GRAMD1B: variants seen among roughly 807,000 people sequenced by gnomAD.
The protein encoded by GRAMD1B is protein Aster-B.
In GRAMD1B, 37 loss-of-function variants were observed where a neutral mutation model predicts 99.7. That is an observed-to-expected ratio of 0.37 (90% CI 0.29 to 0.49). The LOEUF (loss-of-function observed/expected upper bound fraction) is 0.49, where lower values mean the gene tolerates loss of function less well. Among genes scored for constraint, GRAMD1B ranks in the 20% least tolerant of loss-of-function variants. GRAMD1B has a pLI of 0.98. For synonymous variants in GRAMD1B, 427 were observed against 387.6 expected (o/e 1.10, Z -1.19); for missense variants, 888 against 1,009.2 (o/e 0.88, Z 1.63).
chr11:123,400,442 A>T (rs1455053178), intron 1 of GRAMD1B, among the ~76,000 whole-genome samples: 1 of 152,218 alleles, frequency 6.6e-6, no homozygotes, highest in Non-Finnish European at 1.5e-5. Context: ...GTGCCATTGC[A>T]ATTCCCCTTG....
intron 15 of GRAMD1B, 37 bp from the exon 16 acceptor site, chr11:123,613,418 A>G: frequency 6.9e-7 from 1 of 1,448,634 alleles, no homozygotes; most frequent in African/African-American, 1.4e-5. Flanking sequence ...TGGAGGGCTG[A>G]AGGTGGCCTC....
At chr11:123,528,510 TCC>T (rs1259922149) in intron 2 of GRAMD1B, among the ~76,000 whole-genome samples, 2 of 152,078 alleles carry the variant, frequency 1.3e-5, no homozygotes, top group African/African-American at 2.4e-5. Context: ...CCCCATTTTA[TCC>T]CCATTTTATG....
intron 1 of GRAMD1B, among the ~76,000 whole-genome samples, chr11:123,407,884 T>C (rs1947908962): frequency 6.6e-6 from 1 of 152,186 alleles, no homozygotes; most frequent in Admixed American, 6.5e-5. Context: ...AGTCTAGGCT[T>C]TTCCATAGAC....
At chr11:123,515,459 G>C (rs1426808889) in intron 2 of GRAMD1B, among the ~76,000 whole-genome samples, 2 of 152,196 alleles carry the variant, frequency 1.3e-5, no homozygotes, top group East Asian at 3.9e-4. Context: ...CTTCAGATTT[G>C]ACTATGTATC....
chr11:123,468,691 G>A (rs530008097), intron 1 of GRAMD1B, among the ~76,000 whole-genome samples: 1 of 151,756 alleles, frequency 6.6e-6, no homozygotes, highest in East Asian at 2.0e-4. Context: ...CAGCTACTCA[G>A]GAGGCCGAGG....
At chr11:123,619,356 C>A in intron 19 of GRAMD1B, 132 bp downstream of exon 19, 1 of 1,522,890 alleles carries the variant, frequency 6.6e-7, no homozygotes. Context: ...TTCCTCCAGG[C>A]CATGCATTGT....
chr11:123,514,906 T>G (rs1012145458), intron 2 of GRAMD1B, among the ~76,000 whole-genome samples: 10 of 152,226 alleles, frequency 6.6e-5, no homozygotes, highest in African/African-American at 2.4e-4. Flanking sequence ...TGTGTTTTGT[T>G]TCTTAATTCA....
At chr11:123,535,315 A>G (rs1311586413) in intron 2 of GRAMD1B, among the ~76,000 whole-genome samples, 1 of 150,894 alleles carries the variant, frequency 6.6e-6, no homozygotes, top group African/African-American at 2.4e-5. Flanking sequence ...CCCATTTTAT[A>G]TGTTAGGAAA....
intron 2 of GRAMD1B, among the ~76,000 whole-genome samples, chr11:123,553,463 G>T (rs780534903): frequency 1.3e-5 from 2 of 152,158 alleles, no homozygotes. Flanking sequence ...TTACTTAAAG[G>T]GTGGCTACCT....
At chr11:123,543,820 T>C (rs1281844751) in intron 2 of GRAMD1B, among the ~76,000 whole-genome samples, 1 of 152,248 alleles carries the variant, frequency 6.6e-6, no homozygotes, top group Non-Finnish European at 1.5e-5. Flanking sequence ...GTTTTTGTAA[T>C]TTGTTCTAGG....
intron 2 of GRAMD1B, among the ~76,000 whole-genome samples, chr11:123,497,411 C>A (rs1301615839): frequency 6.6e-6 from 1 of 152,216 alleles, no homozygotes; most frequent in Non-Finnish European, 1.5e-5. Context: ...CTGCTGTAAC[C>A]ATGACCTGGC....
chr11:123,537,863 T>C (rs1409686019), intron 2 of GRAMD1B, among the ~76,000 whole-genome samples: 1 of 152,192 alleles, frequency 6.6e-6, no homozygotes, highest in Non-Finnish European at 1.5e-5. Context: ...CTGAAGAGTA[T>C]TGTGTGTGCA....
rs1235608383 is a variant in GRAMD1B, at chr11:123,627,510, G to A, written c.*4915G>A. On this transcript the variant is annotated 3_prime_UTR_variant, in exon 20 of 20. Coordinates refer to ENST00000635736, the MANE Select transcript of GRAMD1B (RefSeq NM_001387025.1). ...GGATAATCCTGACGTGGGGTGGAGT[G>A]GGGTGAGGCAGAGGGAGCAGCCCCA... The A allele has an allele frequency of 6.6e-6, 1 of 152,346 alleles. No homozygotes were observed. Among genetic ancestry groups the A allele is most frequent in the Non-Finnish European group, 1.5e-5 (1 of 68,134 alleles). The allele number at this position is 152,346 out of a possible 1,614,324, so 9.4% of individuals were successfully genotyped here.
At chr11:123,470,331 C>G (rs1313689979) in intron 1 of GRAMD1B, among the ~76,000 whole-genome samples, 1 of 152,232 alleles carries the variant, frequency 6.6e-6, no homozygotes, top group Non-Finnish European at 1.5e-5. Flanking sequence ...ACAAAACTGC[C>G]GAGAGCAGCT....
Position 123,430,989 on chromosome 11 carries a change from C to A in GRAMD1B, c.197C>A (p.Ala66Asp), listed in dbSNP as rs1466372533. The change falls in exon 1 of 20, where the codon GCC (alanine) becomes GAC (aspartate). Residue 66 changes from alanine (A) to aspartate (D), a missense_variant. Coordinates refer to ENST00000635736, the MANE Select transcript of GRAMD1B (RefSeq NM_001387025.1). ...LEAGLARDLPAVLAPGKEFLQ... is the reference protein window; with the variant it reads ...LEAGLARDLPDVLAPGKEFLQ... ...GCCGGGCTGGCCCGGGACCTGCCCG[C>A]CGTCTTGGCCCCCGGCAAGGAGTTC... 2.8e-6 allele frequency: 2 copies of A among 702,782 alleles called. No homozygotes were observed. Among genetic ancestry groups the A allele is most frequent in the Non-Finnish European group, 2.6e-6 (1 of 384,928 alleles). 43.5% of individuals were successfully genotyped at this position (702,782 alleles called of 1,614,324 possible).
intron 5 of GRAMD1B, among the ~76,000 whole-genome samples, 165 bp from the exon 6 acceptor site, chr11:123,594,570 T>C (rs1371692238): frequency 1.3e-5 from 2 of 152,324 alleles, no homozygotes; most frequent in African/African-American, 4.8e-5. Context: ...CATCATGAGA[T>C]GGTAGGGACT....
At chr11:123,547,467 C>T (rs1482364987) in intron 2 of GRAMD1B, among the ~76,000 whole-genome samples, 1 of 152,156 alleles carries the variant, frequency 6.6e-6, no homozygotes, top group Non-Finnish European at 1.5e-5. Context: ...TAGGAACTCA[C>T]CTCCTATGCA....
At chr11:123,397,464 C>G (rs936535133) in intron 1 of GRAMD1B, among the ~76,000 whole-genome samples, 33 of 150,778 alleles carry the variant, frequency 2.2e-4, no homozygotes, top group African/African-American at 7.9e-4. Flanking sequence ...ATATTTGACC[C>G]AGGCAATCAT....
intron 2 of GRAMD1B, among the ~76,000 whole-genome samples, chr11:123,560,958 A>C (rs1946699862): frequency 6.6e-6 from 1 of 152,174 alleles, no homozygotes; most frequent in African/African-American, 2.4e-5. Flanking sequence ...GAAAGCAGCC[A>C]GTGTGACATC....
Sources: allele counts gnomAD v4.1 joint callset (sites outside exome capture counted in the v4.1 genomes callset), GRCh38; gene constraint gnomAD v4.1.1; transcripts MANE v1.5; gene names NCBI Gene and HGNC (gene_info 2026-07-23, HGNC 2026-07-21).